SLMAP: variants seen among roughly 807,000 people sequenced by gnomAD.
The protein encoded by SLMAP is sarcolemmal membrane-associated protein.
In SLMAP, 44 loss-of-function variants were observed where a neutral mutation model predicts 128.8. The ratio of observed to expected loss-of-function variants is 0.34; its 90% CI spans 0.27 to 0.44. The LOEUF is 0.44. Among genes scored for constraint, SLMAP ranks in the 20% least tolerant of loss-of-function variants. The pLI is 1.00. For synonymous variants in SLMAP, 327 were observed against 348.8 expected (o/e 0.94, Z 0.70); for missense variants, 787 against 985.3 (o/e 0.80, Z 2.69).
At chr3:57,926,014 A>G in intron 24 of SLMAP, 80 bp downstream of exon 24, 1 of 969,288 alleles carries the variant, frequency 1.0e-6, no homozygotes, top group Non-Finnish European at 1.6e-6. Flanking sequence ...GTGCATGGCA[A>G]GAACACACAG....
intron 3 of SLMAP, among the ~76,000 whole-genome samples, chr3:57,831,966 A>T (rs773850498): frequency 2.0e-5 from 3 of 152,198 alleles, no homozygotes; most frequent in Non-Finnish European, 4.4e-5. Flanking sequence ...TTGTTGCTTC[A>T]TGGTCATAAG....
At chr3:57,776,522 C>CTCTCTCTTTTTTTTT (rs571722815) in intron 2 of SLMAP, among the ~76,000 whole-genome samples, 1 of 92,610 alleles carries the variant, frequency 1.1e-5, no homozygotes, top group African/African-American at 4.7e-5. Context: ...CTCTCTCTCT[C>CTCTCTCTTTTTTTTT]TTTTTTTTTT....
At chr3:57,897,794 C>CTTGA (rs2153661339) in intron 17 of SLMAP, 1 of 152,214 alleles carries the variant, frequency 6.6e-6, no homozygotes, top group South Asian at 2.1e-4. Flanking sequence ...AAGTACATTT[C>CTTGA]TTGATATTTA....
chr3:57,870,265 C>A (rs2095449047), intron 13 of SLMAP, among the ~76,000 whole-genome samples: 2 of 151,976 alleles, frequency 1.3e-5, no homozygotes, highest in Non-Finnish European at 2.9e-5. Flanking sequence ...TTATGAAAAA[C>A]AACTTTTTAT....
rs1466000632 is a variant in SLMAP, at chr3:57,925,923, T to C, written c.2524T>C (p.Trp842Arg). Reference sequence around the variant, plus strand: ...CCTGTTTTGGTGTTTCGGTCCATTGTGGTAGAGAAAGGTACAAGCACTATT... The same window carrying C: ...CCTGTTTTGGTGTTTCGGTCCATTGCGGTAGAGAAAGGTACAAGCACTATT... ...AFLFWCFGPLW is the reference protein window; with the variant it reads ...AFLFWCFGPLR The change falls in exon 24 of 25, where the codon TGG becomes CGG. Residue 842 changes from tryptophan (W) to arginine (R), a missense_variant. Physicochemically the swap from Trp to Arg is moderately radical, Grantham distance 101. Coordinates refer to ENST00000671191, the MANE Select transcript of SLMAP (RefSeq NM_001377540.1). 5 of 1,550,532 alleles carry C rather than the reference T, an allele frequency of 3.2e-6. No individual in the cohort carries two copies. The highest frequency in any genetic ancestry group is 1.4e-5 in the African/African-American group (1 of 73,166).
At chr3:57,866,138 G>C (rs557844929) in intron 13 of SLMAP, among the ~76,000 whole-genome samples, 1 of 152,260 alleles carries the variant, frequency 6.6e-6, no homozygotes, top group Non-Finnish European at 1.5e-5. Context: ...CAGGCATTGT[G>C]GTGTGCGCCT....
At chr3:57,788,016 C>G (rs1353127355) in intron 2 of SLMAP, among the ~76,000 whole-genome samples, 1 of 152,266 alleles carries the variant, frequency 6.6e-6, no homozygotes, top group Non-Finnish European at 1.5e-5. Context: ...AATGGTTTCT[C>G]CACAGGTGAC....
At chr3:57,821,297 A>G (rs1312622443) in intron 2 of SLMAP, among the ~76,000 whole-genome samples, 1 of 152,166 alleles carries the variant, frequency 6.6e-6, no homozygotes, top group Admixed American at 6.5e-5. Flanking sequence ...CAGTGAACAC[A>G]TCTAGAATGT....
chr3:57,776,522 C>CTTTTTTTTTTTT (rs1553775402), intron 2 of SLMAP, among the ~76,000 whole-genome samples: 1 of 92,610 alleles, frequency 1.1e-5, no homozygotes. Flanking sequence ...CTCTCTCTCT[C>CTTTTTTTTTTTT]TTTTTTTTTT....
intron 2 of SLMAP, among the ~76,000 whole-genome samples, chr3:57,797,145 G>A (rs1413269665): frequency 1.4e-5 from 2 of 144,868 alleles, no homozygotes; most frequent in African/African-American, 2.5e-5. Flanking sequence ...TTGTACCACT[G>A]CCCTCCAGCC....
chr3:57,859,714 A>C (rs1328507623), intron 8 of SLMAP, among the ~76,000 whole-genome samples: 1 of 152,190 alleles, frequency 6.6e-6, no homozygotes, highest in East Asian at 1.9e-4. Context: ...AGAAGTTGGG[A>C]AAGTGAGAGG....
At chr3:57,899,935 C>CA (rs2096333579) in intron 17 of SLMAP, 1 of 152,094 alleles carries the variant, frequency 6.6e-6, no homozygotes, top group Admixed American at 6.5e-5. Context: ...AAGAGTTTTA[C>CA]AAATTCTTAA....
At chr3:57,914,185 T>G (rs917506957) in intron 21 of SLMAP, among the ~76,000 whole-genome samples, 1 of 152,132 alleles carries the variant, frequency 6.6e-6, no homozygotes. Flanking sequence ...TTTGCCATAT[T>G]TAAGTTTAAA....
At chr3:57,883,440 A>T (rs1191942303) in intron 14 of SLMAP, among the ~76,000 whole-genome samples, 3 of 152,198 alleles carry the variant, frequency 2.0e-5, no homozygotes, top group Non-Finnish European at 4.4e-5. Context: ...TTAAAGGCTA[A>T]TGCACATATT....
chr3:57,888,086 A>G (rs1247729609), intron 14 of SLMAP, among the ~76,000 whole-genome samples: 1 of 152,206 alleles, frequency 6.6e-6, no homozygotes, highest in Non-Finnish European at 1.5e-5. Context: ...ATAAGAGGAT[A>G]TGTTATAAGA....
chr3:57,890,411 T>C (rs1375697938), intron 15 of SLMAP: 1 of 236,648 alleles, frequency 4.2e-6, no homozygotes, highest in East Asian at 8.5e-5. Context: ...ATTTCAGCTT[T>C]GATCTCAAAT....
chr3:57,905,653 A>G (rs2096515578), intron 17 of SLMAP, among the ~76,000 whole-genome samples: 1 of 152,178 alleles, frequency 6.6e-6, no homozygotes, highest in African/African-American at 2.4e-5. Context: ...AAGTGGCTTC[A>G]TTTATCTGCA....
At chr3:57,766,881 C>T (rs1414989834) in intron 2 of SLMAP, among the ~76,000 whole-genome samples, 1 of 151,830 alleles carries the variant, frequency 6.6e-6, no homozygotes, top group Non-Finnish European at 1.5e-5. Context: ...TTCCATTTAA[C>T]TTTGTGTATA....
intron 17 of SLMAP, among the ~76,000 whole-genome samples, chr3:57,906,197 G>GA (rs1397551714): frequency 4.0e-5 from 6 of 150,752 alleles, no homozygotes; most frequent in Non-Finnish European, 7.4e-5. Context: ...TCTGCCACTG[G>GA]AAAAATCTCT....
Sources: gnomAD v4.1 joint callset for allele counts (sites outside exome capture counted in the v4.1 genomes callset) on GRCh38, gnomAD v4.1.1 for gene constraint, MANE v1.5 for transcripts, NCBI Gene and HGNC (gene_info 2026-07-23, HGNC 2026-07-21) for gene names.